Variants in RAB31 observed in about 807,000 individuals in gnomAD.
The protein encoded by RAB31 is RAB31, member RAS oncogene family, also known as ras-related protein Rab-31.
RAB31 carries 21 observed loss-of-function variants against 25.6 expected under a neutral mutation model. The observed-to-expected ratio is 0.82, with a 90% CI of 0.58 to 1.18. The LOEUF (loss-of-function observed/expected upper bound fraction) is 1.18. RAB31 is among the 50% of genes most tolerant of loss of function. RAB31 has a pLI of 0.00. For synonymous variants in RAB31, 87 were observed against 84.0 expected, an observed-to-expected ratio of 1.04 and a Z score of -0.20; for missense variants, 196 against 250.1, an observed-to-expected ratio of 0.78 and a Z score of 1.46.
intron 5 of RAB31, chr18:9,844,653 A>C (rs2068751082): frequency 6.6e-6 from 1 of 152,366 alleles, no homozygotes; most frequent in South Asian, 2.1e-4. Flanking sequence ...GGCATGCAGC[A>C]GCTGCTGGAG....
intron 1 of RAB31, among the ~76,000 whole-genome samples, chr18:9,715,497 T>G (rs942117357): frequency 1.3e-5 from 2 of 150,490 alleles, no homozygotes; most frequent in African/African-American, 5.0e-5. Flanking sequence ...GGAGTAACAT[T>G]TTGTCACTTG....
At chr18:9,787,385 TA>T (rs1265415731) in intron 2 of RAB31, 1 of 159,202 alleles carries the variant, frequency 6.3e-6, no homozygotes, top group African/African-American at 2.4e-5. Context: ...TAGTCAAAAA[TA>T]AAACCTTGCA....
At chr18:9,777,197 C>T (rs1292079881) in intron 2 of RAB31, among the ~76,000 whole-genome samples, 1 of 152,068 alleles carries the variant, frequency 6.6e-6, no homozygotes, top group African/African-American at 2.4e-5. Context: ...AAAAATTAAC[C>T]AGATGTGGTG....
intron 5 of RAB31, among the ~76,000 whole-genome samples, chr18:9,827,714 T>C (rs1167662916): frequency 6.6e-6 from 1 of 151,886 alleles, no homozygotes; most frequent in Non-Finnish European, 1.5e-5. Context: ...GAAGTGAAAA[T>C]AGGGTAGGGT....
In RAB31 at chr18:9,734,824, C is replaced by T. The variant is rs139036930; in HGVS notation, c.39+26380C>T. The T allele has an allele frequency of 7.3e-3, 1,438 of 198,344 alleles. 22 individuals carry two copies. The highest frequency in any genetic ancestry group is 0.042 in the South Asian group (593 of 14,114). 12.3% of individuals were successfully genotyped at this position (198,344 alleles called of 1,614,324 possible). ...AGCATTTAATGAACCTCCTTCCCTGCGGCTGCAAGCCACCAGCACACAGGC... is the reference window on the plus strand; with the variant it reads ...AGCATTTAATGAACCTCCTTCCCTGTGGCTGCAAGCCACCAGCACACAGGC... On this transcript the variant is annotated intron_variant, in intron 1 of 6. Transcript: ENST00000578921.
At chr18:9,811,721 A>G (rs1037652830) in intron 3 of RAB31, among the ~76,000 whole-genome samples, 11 of 152,330 alleles carry the variant, frequency 7.2e-5, no homozygotes, top group South Asian at 4.1e-4. Context: ...ATACTCCCAC[A>G]TACATTTTAC....
chr18:9,835,832 G>A (rs2068701621), intron 5 of RAB31, among the ~76,000 whole-genome samples: 1 of 151,830 alleles, frequency 6.6e-6, no homozygotes, highest in Non-Finnish European at 1.5e-5. Flanking sequence ...TTTAATTATT[G>A]TTAAAATGGT....
chr18:9,848,193 T>TC (rs1465726586), intron 6 of RAB31, among the ~76,000 whole-genome samples: 4 of 152,302 alleles, frequency 2.6e-5, no homozygotes, highest in African/African-American at 9.6e-5. Context: ...TGTCTGGCTA[T>TC]CCATCTGTCT....
At chr18:9,813,148 A>G (rs917256309) in intron 3 of RAB31, among the ~76,000 whole-genome samples, 7 of 152,180 alleles carry the variant, frequency 4.6e-5, no homozygotes, top group Admixed American at 2.6e-4. Context: ...CTTTGTTAAC[A>G]TTTTGGAATG....
chr18:9,806,662 GA>G (rs1471891528), intron 3 of RAB31, among the ~76,000 whole-genome samples: 4 of 152,194 alleles, frequency 2.6e-5, no homozygotes, highest in Non-Finnish European at 5.9e-5. Context: ...TCTGAACAGG[GA>G]AGTGAAACAA....
intron 3 of RAB31, among the ~76,000 whole-genome samples, chr18:9,809,060 G>A (rs572846273): frequency 3.3e-4 from 32 of 98,020 alleles, no homozygotes; most frequent in African/African-American, 6.6e-4. Context: ...GTGTGTGCGC[G>A]CGCACGCGTG....
intron 1 of RAB31, among the ~76,000 whole-genome samples, chr18:9,764,462 A>G (rs952844791): frequency 3.3e-5 from 5 of 152,296 alleles, no homozygotes; most frequent in Middle Eastern, 6.8e-3. Flanking sequence ...TGCCCTTACT[A>G]GTTACAGGCC....
At chr18:9,746,457 C>A (rs2068206233) in intron 1 of RAB31, among the ~76,000 whole-genome samples, 1 of 151,538 alleles carries the variant, frequency 6.6e-6, no homozygotes, top group East Asian at 2.0e-4. Context: ...CCCCAAATAG[C>A]CAAAACAATC....
intron 1 of RAB31, among the ~76,000 whole-genome samples, chr18:9,733,877 A>G (rs1318825543): frequency 6.6e-6 from 1 of 152,054 alleles, no homozygotes; most frequent in Non-Finnish European, 1.5e-5. Flanking sequence ...GACTAGAAAA[A>G]AAATAGGAGG....
intron 1 of RAB31, among the ~76,000 whole-genome samples, chr18:9,744,125 G>A (rs1568167642): frequency 6.6e-6 from 1 of 152,212 alleles, no homozygotes; most frequent in Non-Finnish European, 1.5e-5. Context: ...CCATGTCATA[G>A]TAGGAGGAAA....
At chr18:9,835,475 T>C (rs2068699581) in intron 5 of RAB31, among the ~76,000 whole-genome samples, 1 of 152,228 alleles carries the variant, frequency 6.6e-6, no homozygotes, top group Admixed American at 6.5e-5. Context: ...AATTCTGATA[T>C]GTTTTCCATG....
chr18:9,732,425 A>G (rs1343098599), intron 1 of RAB31, among the ~76,000 whole-genome samples: 3 of 152,236 alleles, frequency 2.0e-5, no homozygotes, highest in South Asian at 2.1e-4. Context: ...CCTGGAATAC[A>G]TTAGACCCTG....
chr18:9,807,858 G>C (rs752055459), intron 3 of RAB31, among the ~76,000 whole-genome samples: 1 of 152,066 alleles, frequency 6.6e-6, no homozygotes, highest in Non-Finnish European at 1.5e-5. Context: ...CACACCTGTA[G>C]TCCCAGGTAC....
chr18:9,824,309 TATGTGTGTGTAGATGTATGTGTGTATAA>T (rs1252241891), intron 5 of RAB31, among the ~76,000 whole-genome samples: 21 of 150,060 alleles, frequency 1.4e-4, no homozygotes, highest in African/African-American at 5.1e-4. Flanking sequence ...TGTAGATGTG[TATGTGTGTGTAGATGTATGTGTGTATAA>T]ATGTGTGTGT....
Sources: allele counts gnomAD v4.1 joint callset (sites outside exome capture counted in the v4.1 genomes callset), GRCh38; gene constraint gnomAD v4.1.1; transcripts MANE v1.5; gene names NCBI Gene and HGNC (gene_info 2026-07-23, HGNC 2026-07-21).